UNC13C: variants seen among roughly 807,000 people sequenced by gnomAD.
The protein encoded by UNC13C is unc-13 homolog C, also known as protein unc-13 homolog C.
UNC13C carries 174 observed loss-of-function variants against 245.4 expected under a neutral mutation model. The observed-to-expected ratio is 0.71, with a 90% CI of 0.63 to 0.80. The LOEUF (loss-of-function observed/expected upper bound fraction) is 0.80, where lower values mean the gene tolerates loss of function less well. Ranked by LOEUF, UNC13C falls within the 30% of genes least tolerant of loss-of-function variation. The pLI is 0.00. For synonymous variants in UNC13C, 992 were observed against 895.1 expected, an observed-to-expected ratio of 1.11 and a Z score of -1.93; for missense variants, 2,829 against 2,602.9, an observed-to-expected ratio of 1.09 and a Z score of -1.89.
At chr15:54,266,065 T>TA (rs774963564) in intron 10 of UNC13C, among the ~76,000 whole-genome samples, 4 of 151,970 alleles carry the variant, frequency 2.6e-5, no homozygotes, top group Non-Finnish European at 5.9e-5. Flanking sequence ...CACTCCTTTG[T>TA]AAAAAAATGA....
chr15:54,617,514 C>T (rs1900522073), intron 30 of UNC13C, among the ~76,000 whole-genome samples: 1 of 151,914 alleles, frequency 6.6e-6, no homozygotes, highest in Admixed American at 6.6e-5. Flanking sequence ...CCAGTCTTAC[C>T]ATCTGTAAAA....
At position 53,995,479 on chromosome 15, in the gene UNC13C, C is replaced by G. The variant is rs186019267; in HGVS notation, c.-257+16552C>G. Among the ~76,000 whole-genome samples, 221 of 150,806 alleles carry G rather than the reference C, an allele frequency of 1.5e-3. 2 individuals carry two copies. Among genetic ancestry groups the G allele is most frequent in the Middle Eastern group, 0.01 (3 of 294 alleles). The stretch of plus-strand genomic sequence containing the variant: ...ATTCTTTGCCCGCCCACCCCACCCC[C>G]CTGAAAGTTTTTTCAATGTTCAACT... On this transcript the variant is annotated intron_variant, in intron 1 of 32. Transcript: ENST00000260323.
At chr15:54,209,969 A>G (rs1274299216) in intron 4 of UNC13C, among the ~76,000 whole-genome samples, 1 of 152,018 alleles carries the variant, frequency 6.6e-6, no homozygotes, top group African/African-American at 2.4e-5. Context: ...CTGTTTCATA[A>G]CTACTGAATA....
chr15:54,456,590 TTTTA>T (rs71105811), intron 19 of UNC13C, among the ~76,000 whole-genome samples: 37,180 of 142,544 alleles, frequency 0.26, 5,017 homozygotes, highest in East Asian at 0.47. Flanking sequence ...CTCCTATGTA[TTTTA>T]TTTATTTATT....
chr15:54,142,874 C>A (rs982687190), intron 2 of UNC13C, 144 bp from the exon 3 acceptor site: 1 of 682,600 alleles, frequency 1.5e-6, no homozygotes, highest in Non-Finnish European at 2.5e-6. Flanking sequence ...ATCCTTGTAC[C>A]CTTGGGCTCA....
the UNC13C span, among the ~76,000 whole-genome samples, chr15:53,897,886 G>C: frequency 6.6e-6 from 1 of 152,126 alleles, no homozygotes; most frequent in Non-Finnish European, 1.5e-5. Flanking sequence ...TTCATTTTCT[G>C]TCTAACCCCT....
the UNC13C span, among the ~76,000 whole-genome samples, chr15:53,908,861 A>T: frequency 6.9e-6 from 1 of 145,824 alleles, no homozygotes; most frequent in South Asian, 2.3e-4. Context: ...GTGTTATGGC[A>T]CAAATGATAC....
intron 2 of UNC13C, among the ~76,000 whole-genome samples, chr15:54,070,617 T>C (rs892161649): frequency 1.3e-5 from 2 of 152,092 alleles, no homozygotes; most frequent in Non-Finnish European, 2.9e-5. Context: ...ATAAATATGG[T>C]TCTGTTTTGT....
At position 54,014,745 on chromosome 15, in the gene UNC13C, A is replaced by G; in HGVS notation, c.1842A>G (p.Gln614=). 4 of 1,613,906 alleles carry G rather than the reference A, an allele frequency of 2.5e-6. No homozygotes were observed. Among genetic ancestry groups the G allele is most frequent in the Non-Finnish European group, 3.4e-6 (4 of 1,179,832 alleles). Residue 614 remains glutamine (Q), a synonymous_variant, in exon 2 of 33, where the codon CAA becomes CAG. Transcript: ENST00000260323. ...TGAATGGAGGTGTTCAGGGTATCCA[A>G]GGGCAGACTGAAACTGAAAACACAG... ...QHLNGGVQGI[Q]GQTETENTET...
the UNC13C span, among the ~76,000 whole-genome samples, chr15:53,971,830 CAAT>C: frequency 1.3e-5 from 2 of 152,082 alleles, no homozygotes; most frequent in Admixed American, 6.6e-5. Flanking sequence ...TATAAAATGA[CAAT>C]GATGGTGTTG....
At chr15:53,893,034 G>A in the UNC13C span, among the ~76,000 whole-genome samples, 43 of 152,084 alleles carry the variant, frequency 2.8e-4, no homozygotes, top group African/African-American at 9.9e-4. Context: ...TTTGATGTTG[G>A]TGACCTTCAG....
the UNC13C span, among the ~76,000 whole-genome samples, chr15:53,887,078 A>T: frequency 6.6e-6 from 1 of 152,160 alleles, no homozygotes; most frequent in Non-Finnish European, 1.5e-5. Flanking sequence ...AATTAAGAAG[A>T]TCTGAGTAAC....
intron 2 of UNC13C, among the ~76,000 whole-genome samples, chr15:54,072,317 A>G (rs1898366387): frequency 1.3e-5 from 2 of 152,190 alleles, no homozygotes. Flanking sequence ...GTATTTTCAC[A>G]CCATGGGGAT....
At chr15:54,240,620 G>A (rs1180356675) in intron 7 of UNC13C, among the ~76,000 whole-genome samples, 2 of 152,120 alleles carry the variant, frequency 1.3e-5, no homozygotes, top group African/African-American at 4.8e-5. Context: ...GCTGGCCATG[G>A]GTGAAGCATC....
rs541054397 is a variant in UNC13C at position 54,176,858 on chromosome 15, G to A, written c.3071+33174G>A. On this transcript the variant is annotated intron_variant, in intron 4 of 32. Coordinates refer to ENST00000260323, the MANE Select transcript of UNC13C (RefSeq NM_001080534.3). ...AAAAGATGAATTGTTTATAGAAGAT[G>A]TCTTATAATGCTATAAAAGAAACAT... 5.3e-5 allele frequency among the ~76,000 whole-genome samples: 8 copies of A among 152,192 alleles called. No homozygotes were observed. In the South Asian group the frequency reaches 1.7e-3, roughly 32 times the overall value.
chr15:54,177,276 G>T (rs1032961523), intron 4 of UNC13C, among the ~76,000 whole-genome samples: 1 of 152,060 alleles, frequency 6.6e-6, no homozygotes, highest in Non-Finnish European at 1.5e-5. Context: ...GTTACCAGAG[G>T]TACTGTATGT....
Position 54,336,069 on chromosome 15 carries a change from C to A in UNC13C, c.4584+2213C>A, listed in dbSNP as rs1032775835. On this transcript the variant is annotated intron_variant, in intron 16 of 32. Transcript: ENST00000260323. The stretch of plus-strand genomic sequence containing the variant: ...AATTTTGGAGGGGTTGATTTTCTAT[C>A]TGAATATCTTTTTTTGTGAAGAATG... Among the ~76,000 whole-genome samples, 7 of 151,866 alleles carry A rather than the reference C, an allele frequency of 4.6e-5. No individual in the cohort carries two copies. The South Asian group carries it at 1.0e-3, about 23-fold the overall frequency.
intron 4 of UNC13C, among the ~76,000 whole-genome samples, chr15:54,234,287 A>G (rs12902112): frequency 0.38 from 57,171 of 151,512 alleles, 13,171 homozygotes; most frequent in African/African-American, 0.65. Flanking sequence ...ACTAATACGC[A>G]AACTTGCTTT....
intron 4 of UNC13C, among the ~76,000 whole-genome samples, chr15:54,204,932 A>G (rs1024373126): frequency 2.0e-5 from 3 of 152,038 alleles, no homozygotes; most frequent in Non-Finnish European, 2.9e-5. Context: ...TCATTTAATC[A>G]TAAAACAGTT....
Sources: gnomAD v4.1 joint callset for allele counts (sites outside exome capture counted in the v4.1 genomes callset) on GRCh38, gnomAD v4.1.1 for gene constraint, MANE v1.5 for transcripts, NCBI Gene and HGNC (gene_info 2026-07-23, HGNC 2026-07-21) for gene names.